Variants in CCDC93 observed in about 807,000 individuals in gnomAD.
CCDC93 encodes the protein coiled-coil domain-containing protein 93.
Under a neutral mutation model 108.2 loss-of-function variants are expected in CCDC93, and 61 were observed. That is an observed-to-expected ratio of 0.56 (90% CI 0.46 to 0.70). The LOEUF (loss-of-function observed/expected upper bound fraction) is 0.70. Ranked by LOEUF, CCDC93 falls within the 30% of genes least tolerant of loss-of-function variation. The pLI is 0.00. For missense variants in CCDC93, 685 were observed against 764.2 expected (o/e 0.90, Z 1.22); for synonymous variants, 276 against 260.4 (o/e 1.06, Z -0.58).
intron 11 of CCDC93, among the ~76,000 whole-genome samples, chr2:117,958,794 A>G (rs1203070234): frequency 1.3e-5 from 2 of 152,254 alleles, no homozygotes; most frequent in African/African-American, 4.8e-5. Context: ...GGGGAATAAC[A>G]TGGCCATAGT....
At chr2:117,927,208 A>G (rs1176096395) in intron 23 of CCDC93, among the ~76,000 whole-genome samples, 1 of 152,176 alleles carries the variant, frequency 6.6e-6, no homozygotes, top group African/African-American at 2.4e-5. Context: ...GAAAACTGGC[A>G]CAAGACAGGG....
intron 22 of CCDC93, 32 bp from the exon 23 acceptor site, chr2:117,931,182 A>T (rs1299068842): frequency 4.7e-6 from 7 of 1,499,234 alleles, no homozygotes; most frequent in Non-Finnish European, 6.5e-6. Flanking sequence ...TGGTGATGAA[A>T]AGACATGTTC....
intron 4 of CCDC93, 27 bp downstream of exon 4, chr2:118,000,794 G>T (rs368917242): frequency 8.3e-6 from 12 of 1,450,742 alleles, no homozygotes; most frequent in Non-Finnish European, 1.1e-5. Context: ...ATGTTAAGAG[G>T]ACAAGAAACC....
intron 11 of CCDC93, among the ~76,000 whole-genome samples, chr2:117,971,290 G>A (rs1679752086): frequency 6.6e-6 from 1 of 152,196 alleles, no homozygotes; most frequent in Admixed American, 6.5e-5. Flanking sequence ...CTGAGCCTGG[G>A]AGACCAAGGC....
intron 3 of CCDC93, among the ~76,000 whole-genome samples, chr2:118,004,918 C>T (rs1277025931): frequency 2.0e-5 from 3 of 152,018 alleles, no homozygotes; most frequent in Admixed American, 1.3e-4. Flanking sequence ...CTAAGGGATA[C>T]ATATTATATA....
intron 11 of CCDC93, among the ~76,000 whole-genome samples, chr2:117,959,269 A>G (rs1679315008): frequency 1.3e-5 from 2 of 152,248 alleles, no homozygotes; most frequent in Non-Finnish European, 2.9e-5. Context: ...AGCCCCAGGA[A>G]AAAGAAATTA....
chr2:117,978,525 A>G (rs1680014075), intron 7 of CCDC93, among the ~76,000 whole-genome samples: 1 of 152,186 alleles, frequency 6.6e-6, no homozygotes, highest in Non-Finnish European at 1.5e-5. Context: ...AAAAAAACAC[A>G]AAAACACAAT....
rs1341063500 is a variant in CCDC93, at chr2:117,969,434, C to CTGCT, written c.888+4470_888+4473dup. ...GAGGGTGCTGCTAAGCTGTGCCCAA[C>CTGCT]TGCTGCCCCACAGAAACAGTGAGAC... is the stretch of plus-strand genomic sequence containing the variant. On this transcript the variant is annotated intron_variant, in intron 11 of 23. Transcript: ENST00000376300. Among the ~76,000 whole-genome samples the CTGCT allele has an allele frequency of 3.9e-5, 6 of 152,372 alleles. No homozygotes were observed. In the East Asian group the frequency reaches 1.2e-3, roughly 29 times the overall value.
intron 3 of CCDC93, chr2:118,001,205 G>C (rs1218411611): frequency 1.6e-5 from 5 of 320,514 alleles, no homozygotes; most frequent in Non-Finnish European, 2.9e-5. Flanking sequence ...TGAAATGATG[G>C]TAACATTAGA....
intron 4 of CCDC93, 68 bp from the exon 5 acceptor site, chr2:117,996,430 G>C: frequency 1.9e-6 from 2 of 1,048,792 alleles, no homozygotes; most frequent in Non-Finnish European, 3.0e-6. Flanking sequence ...GGCCAGTTCA[G>C]ACATGGCCCA....
chr2:117,955,987 C>T (rs1011412633), intron 12 of CCDC93, among the ~76,000 whole-genome samples: 2 of 152,100 alleles, frequency 1.3e-5, no homozygotes, highest in Non-Finnish European at 2.9e-5. Flanking sequence ...CTTATCCCTA[C>T]AATTTAAAAA....
At chr2:117,936,889 AAATT>A in intron 20 of CCDC93, 150 bp from the exon 21 acceptor site, 1 of 663,974 alleles carries the variant, frequency 1.5e-6, no homozygotes, top group Non-Finnish European at 2.7e-6. Flanking sequence ...TATGAAAAAA[AAATT>A]AGCCACATGT....
intron 6 of CCDC93, among the ~76,000 whole-genome samples, chr2:117,986,975 T>C (rs1341375081): frequency 6.6e-6 from 1 of 151,694 alleles, no homozygotes; most frequent in Non-Finnish European, 1.5e-5. Context: ...TAACTGCTAT[T>C]GTACTTAGTT....
chr2:117,920,580 T>C (rs1412044125), intron 23 of CCDC93, among the ~76,000 whole-genome samples, 184 bp from the exon 24 acceptor site: 2 of 152,138 alleles, frequency 1.3e-5, no homozygotes, highest in Non-Finnish European at 2.9e-5. Flanking sequence ...AACACCAATA[T>C]AACTATAATG....
chr2:117,975,415 A>C, intron 8 of CCDC93, 135 bp from the exon 9 acceptor site: 1 of 650,354 alleles, frequency 1.5e-6, no homozygotes, highest in Non-Finnish European at 2.7e-6. Context: ...GAGAGTGGAT[A>C]CTCCAAACGG....
intron 18 of CCDC93, among the ~76,000 whole-genome samples, chr2:117,943,555 T>G (rs17047554): frequency 0.37 from 55,685 of 152,144 alleles, 10,978 homozygotes; most frequent in African/African-American, 0.49. Flanking sequence ...GAAGGTTGGC[T>G]TGAACCAAAG....
At chr2:117,963,082 C>T (rs951714947) in intron 11 of CCDC93, among the ~76,000 whole-genome samples, 12 of 152,198 alleles carry the variant, frequency 7.9e-5, no homozygotes, top group African/African-American at 2.4e-4. Context: ...CCTGAAAGAA[C>T]AGAGCTTCAA....
chr2:118,003,111 T>G (rs894760973), intron 3 of CCDC93, among the ~76,000 whole-genome samples: 2 of 152,206 alleles, frequency 1.3e-5, no homozygotes, highest in African/African-American at 4.8e-5. Context: ...CCTGGTGCCC[T>G]TCCTTTCTGG....
chr2:117,943,954 T>C, intron 18 of CCDC93, 70 bp downstream of exon 18: 1 of 1,043,920 alleles, frequency 9.6e-7, no homozygotes. Flanking sequence ...TGAGACTTTC[T>C]AGTTATGTCA....
Sources: allele counts gnomAD v4.1 joint callset (sites outside exome capture counted in the v4.1 genomes callset), GRCh38; gene constraint gnomAD v4.1.1; transcripts MANE v1.5; gene names NCBI Gene and HGNC (gene_info 2026-07-23, HGNC 2026-07-21).